The following SPOCK3 variants were observed in gnomAD, a reference collection of about 807,000 sequenced individuals.
SPOCK3 encodes testican-3.
In SPOCK3, 30 loss-of-function variants were observed where a neutral mutation model predicts 56.6. That is an observed-to-expected ratio of 0.53 (90% CI 0.40 to 0.72). The LOEUF is 0.72. SPOCK3 is among the 30% of genes least tolerant of loss of function. SPOCK3 has a pLI of 0.00. For missense variants in SPOCK3, 527 were observed against 530.0 expected (o/e 0.99, Z 0.06); for synonymous variants, 196 against 183.3 (o/e 1.07, Z -0.56).
intron 6 of SPOCK3, among the ~76,000 whole-genome samples, chr4:166,855,452 C>T (rs56258049): frequency 0.027 from 4,113 of 152,238 alleles, 93 homozygotes; most frequent in Non-Finnish European, 0.04. Context: ...CTCCTGATTG[C>T]TCTGAAATTT....
intron 6 of SPOCK3, among the ~76,000 whole-genome samples, chr4:166,847,682 A>AT (rs1560926835): frequency 0.034 from 912 of 27,192 alleles, 35 homozygotes; most frequent in African/African-American, 0.07. Context: ...TATATATATA[A>AT]GAATCATGTT....
chr4:166,937,788 C>T (rs1740601578), intron 4 of SPOCK3, among the ~76,000 whole-genome samples: 1 of 141,856 alleles, frequency 7.0e-6, no homozygotes, highest in African/African-American at 2.6e-5. Flanking sequence ...GACGGAGTGT[C>T]ACTCTGTCGC....
rs1302307645 is a variant in SPOCK3 at position 166,831,763 on chromosome 4, T to G, written c.590-39474A>C. Among the ~76,000 whole-genome samples, 19 of 151,376 alleles carry G rather than the reference T, an allele frequency of 1.3e-4. 1 individual carries two copies. The highest frequency in any genetic ancestry group is 2.9e-4 in the African/African-American group (12 of 41,206). ...CATCAATGTTCTCCATTTTTGTTTT[T>G]TTTTTTTTAAATTTCATTTATTTCT... On this transcript the variant is annotated intron_variant, in intron 6 of 10. Transcript: ENST00000357545.
intron 2 of SPOCK3, among the ~76,000 whole-genome samples, chr4:167,181,003 C>T (rs755555417): frequency 3.3e-5 from 5 of 152,084 alleles, no homozygotes; most frequent in Non-Finnish European, 7.4e-5. Context: ...CAATCCATGG[C>T]ACTGATTCAT....
chr4:167,211,781 A>G (rs1338221358), intron 2 of SPOCK3, among the ~76,000 whole-genome samples: 1 of 152,178 alleles, frequency 6.6e-6, no homozygotes, highest in Non-Finnish European at 1.5e-5. Context: ...AGCAGCATGA[A>G]AAAGGACTAA....
intron 2 of SPOCK3, among the ~76,000 whole-genome samples, chr4:167,158,438 G>C (rs1764995013): frequency 6.6e-6 from 1 of 151,914 alleles, no homozygotes; most frequent in Non-Finnish European, 1.5e-5. Context: ...TCACCAACTT[G>C]TCAGCAACAA....
intron 2 of SPOCK3, among the ~76,000 whole-genome samples, chr4:167,201,195 T>TA (rs1561316310): frequency 6.6e-6 from 1 of 151,922 alleles, no homozygotes; most frequent in African/African-American, 2.4e-5. Flanking sequence ...GGTAAGAACA[T>TA]AAAAAATTTG....
chr4:167,148,400 T>C (rs1190875230), intron 2 of SPOCK3, among the ~76,000 whole-genome samples: 1 of 152,262 alleles, frequency 6.6e-6, no homozygotes, highest in East Asian at 1.9e-4. Flanking sequence ...GATAATAGAC[T>C]CTGAGAAATA....
At chr4:166,803,156 A>C (rs531791010) in intron 6 of SPOCK3, among the ~76,000 whole-genome samples, 4 of 152,306 alleles carry the variant, frequency 2.6e-5, no homozygotes, top group Non-Finnish European at 4.4e-5. Flanking sequence ...TAAAATTTTT[A>C]AGTGATAAAT....
chr4:166,989,480 G>A (rs1243030110), intron 4 of SPOCK3, among the ~76,000 whole-genome samples: 1 of 152,030 alleles, frequency 6.6e-6, no homozygotes, highest in Middle Eastern at 3.2e-3. Flanking sequence ...TGATCATCTG[G>A]AAATTCCAGT....
chr4:166,870,813 A>G (rs10026986), intron 6 of SPOCK3, among the ~76,000 whole-genome samples: 11,726 of 152,152 alleles, frequency 0.077, 545 homozygotes, highest in Non-Finnish European at 0.1. Flanking sequence ...TATAATCCCC[A>G]TAATTCCCAC....
intron 2 of SPOCK3, among the ~76,000 whole-genome samples, chr4:167,102,235 T>A (rs1042748661): frequency 6.6e-6 from 1 of 152,036 alleles, no homozygotes; most frequent in African/African-American, 2.4e-5. Context: ...AATGACCTCA[T>A]AATAAAGCAC....
chr4:166,833,979 A>G (rs1194187839), intron 6 of SPOCK3, among the ~76,000 whole-genome samples: 1 of 152,212 alleles, frequency 6.6e-6, no homozygotes, highest in Non-Finnish European at 1.5e-5. Context: ...TCAGCTTTTG[A>G]AGGAAACTGG....
At chr4:166,743,730 C>A (rs1013371815) in intron 8 of SPOCK3, among the ~76,000 whole-genome samples, 5 of 152,298 alleles carry the variant, frequency 3.3e-5, no homozygotes, top group Non-Finnish European at 7.4e-5. Flanking sequence ...TAGACGGTAC[C>A]TGGAAAATTG....
intron 2 of SPOCK3, among the ~76,000 whole-genome samples, chr4:167,212,561 C>A (rs182063496): frequency 2.0e-5 from 3 of 152,090 alleles, no homozygotes; most frequent in South Asian, 4.1e-4. Context: ...TCTTATACCT[C>A]TGAATATAGA....
intron 3 of SPOCK3, among the ~76,000 whole-genome samples, chr4:167,018,190 T>C (rs147131596): frequency 0.012 from 1,776 of 152,238 alleles, 38 homozygotes; most frequent in African/African-American, 0.04. Flanking sequence ...TTAGAAAGTG[T>C]TTGCAGTGTT....
intron 2 of SPOCK3, among the ~76,000 whole-genome samples, chr4:167,081,406 G>T (rs937223894): frequency 6.6e-6 from 1 of 151,936 alleles, no homozygotes; most frequent in African/African-American, 2.4e-5. Flanking sequence ...AGGAAAAAAA[G>T]TCAGTGGCTC....
chr4:167,205,341 T>TTA (rs1361090328), intron 2 of SPOCK3, among the ~76,000 whole-genome samples: 1 of 39,058 alleles, frequency 2.6e-5, no homozygotes, highest in Non-Finnish European at 4.2e-5. Context: ...ATATTATATA[T>TTA]TATATATATA....
At chr4:166,770,304 G>C (rs535265090) in intron 7 of SPOCK3, among the ~76,000 whole-genome samples, 10 of 152,176 alleles carry the variant, frequency 6.6e-5, no homozygotes, top group Non-Finnish European at 8.8e-5. Context: ...GACTGGAGCT[G>C]TTCCTATTCG....
Sources: allele counts gnomAD v4.1 joint callset (sites outside exome capture counted in the v4.1 genomes callset), GRCh38; gene constraint gnomAD v4.1.1; transcripts MANE v1.5; gene names NCBI Gene and HGNC (gene_info 2026-07-23, HGNC 2026-07-21).